Variants in PEX11A observed in about 807,000 individuals in gnomAD.
The protein encoded by PEX11A is peroxisomal membrane protein 11A.
PEX11A carries 13 observed loss-of-function variants against 14.4 expected under a neutral mutation model. The observed-to-expected ratio is 0.90, with a 90% CI of 0.59 to 1.43. The LOEUF is 1.43. PEX11A is among the 40% of genes most tolerant of loss of function. PEX11A has a pLI of 0.00. For synonymous variants in PEX11A, 101 were observed against 113.0 expected (o/e 0.89, Z 0.67); for missense variants, 290 against 302.8 (o/e 0.96, Z 0.31).
At chr15:89,690,103 G>C (rs183444177) in intron 1 of PEX11A, among the ~76,000 whole-genome samples, 34 of 152,204 alleles carry the variant, frequency 2.2e-4, no homozygotes, top group African/African-American at 7.9e-4. Context: ...CTGCCTGGGC[G>C]ACAGAGCGAG....
chr15:89,690,601 G>C lies in PEX11A; in HGVS notation c.32C>G (p.Thr11Ser). Residue 11 changes from threonine (T) to serine (S), a missense_variant, in exon 1 of 3, where the codon ACC becomes AGC. By Grantham distance (58) the Thr-to-Ser change is moderately conservative. Coordinates refer to ENST00000300056, the MANE Select transcript of PEX11A (RefSeq NM_003847.3). MDAFTRFTNQ[T>S]QGRDRLFRAT... The stretch of plus-strand genomic sequence containing the variant: ...CCTGAAGAGTCGGTCCCGGCCCTGG[G>C]TCTGGTTGGTGAAGCGGGTGAAGGC... 1 of 1,551,452 alleles carries C rather than the reference G, an allele frequency of 6.4e-7. No homozygotes were observed.
At chr15:89,690,281 GGGA>G (rs1449554015) in intron 1 of PEX11A, among the ~76,000 whole-genome samples, 1 of 152,240 alleles carries the variant, frequency 6.6e-6, no homozygotes, top group East Asian at 1.9e-4. Context: ...AAGTTAGGAG[GGGA>G]GGAGGATCTG....
chr15:89,685,473 C>T (rs1396245281), intron 2 of PEX11A, among the ~76,000 whole-genome samples: 1 of 151,452 alleles, frequency 6.6e-6, no homozygotes, highest in African/African-American at 2.4e-5. Context: ...AAAAGCTCGC[C>T]CTACCCTTCC....
chr15:89,687,891 A>G (rs1964700034), intron 1 of PEX11A: 1 of 458,280 alleles, frequency 2.2e-6, no homozygotes, highest in Non-Finnish European at 4.2e-6. Flanking sequence ...GTGAACATAA[A>G]CTCGATTTTA....
At chr15:89,690,086 C>G (rs1964785868) in intron 1 of PEX11A, among the ~76,000 whole-genome samples, 1 of 152,044 alleles carries the variant, frequency 6.6e-6, no homozygotes, top group Non-Finnish European at 1.5e-5. Flanking sequence ...GGGCCGAGAC[C>G]GCGCCACTGC....
At chr15:89,685,072 C>T (rs1471637584) in intron 2 of PEX11A, among the ~76,000 whole-genome samples, 2 of 151,828 alleles carry the variant, frequency 1.3e-5, no homozygotes, top group East Asian at 3.9e-4. Context: ...GGCATATTGG[C>T]GCATGCCTGT....
chr15:89,690,593 G>C lies in PEX11A; in HGVS notation c.40C>G (p.Arg14Gly), dbSNP rs1407618190. The part of the protein sequence containing the change: ...FTRFTNQTQG[R>G]DRLFRATQYT... ...CTGACTCACCTGAAGAGTCGGTCCC[G>C]GCCCTGGGTCTGGTTGGTGAAGCGG... The change falls in exon 1 of 3, where the codon CGG becomes GGG. Residue 14 changes from arginine to glycine, a missense_variant. Arg to Gly is a moderately radical substitution (Grantham distance 125). Transcript: ENST00000300056. 4 of 1,551,410 alleles carry C rather than the reference G, an allele frequency of 2.6e-6. 1 individual carries two copies. In the Admixed American group the frequency reaches 7.8e-5, roughly 30 times the overall value.
Position 89,683,411 on chromosome 15 carries a change from A to AC in PEX11A, c.709dup (p.Val237GlyfsTer16), listed in dbSNP as rs778494992. On this transcript the variant is annotated frameshift_variant, in exon 3 of 3. Transcript: ENST00000300056. LOFTEE classifies it high-confidence loss of function. Reference sequence around the variant, plus strand: ...CTTCAGCTTCATCTGAGGATATGCCACAGTGATCATGCCTGCTATAGAGGA... The same window carrying AC: ...CTTCAGCTTCATCTGAGGATATGCCACCAGTGATCATGCCTGCTATAGAGGA... 31 of 1,614,026 alleles carry AC rather than the reference A, an allele frequency of 1.9e-5. No homozygotes were observed. Among genetic ancestry groups the AC allele is most frequent in the Non-Finnish European group, 2.6e-5 (31 of 1,179,924 alleles).
At chr15:89,689,096 T>C (rs1485185202) in intron 1 of PEX11A, among the ~76,000 whole-genome samples, 1 of 152,228 alleles carries the variant, frequency 6.6e-6, no homozygotes, top group African/African-American at 2.4e-5. Context: ...GGTTTCTATT[T>C]AATGAAATTT....
intron 2 of PEX11A, among the ~76,000 whole-genome samples, chr15:89,684,916 G>A (rs1038335427): frequency 6.6e-6 from 1 of 152,172 alleles, no homozygotes; most frequent in Non-Finnish European, 1.5e-5. Context: ...GGGGCTGGGC[G>A]CGGTGGCTTA....
chr15:89,684,519 T>C (rs1264584374), intron 2 of PEX11A, among the ~76,000 whole-genome samples: 4 of 152,254 alleles, frequency 2.6e-5, no homozygotes, highest in Non-Finnish European at 5.9e-5. Flanking sequence ...TTGCATTTTA[T>C]TTATTTTCCA....
chr15:89,690,486 C>T (rs1031271683), intron 1 of PEX11A, 91 bp downstream of exon 1: 1 of 914,308 alleles, frequency 1.1e-6, no homozygotes, highest in Non-Finnish European at 1.7e-6. Flanking sequence ...ATCTACTAGG[C>T]TATCACCTCC....
At chr15:89,690,503 C>T (rs2141558639) in intron 1 of PEX11A, 74 bp downstream of exon 1, 1 of 1,142,388 alleles carries the variant, frequency 8.8e-7, no homozygotes, top group South Asian at 1.4e-5. Flanking sequence ...CTCCTTTTTC[C>T]CGGGTGCAGG....
rs1009078802 is a variant in PEX11A, at chr15:89,683,206, C to G, written c.*171G>C. The G allele has an allele frequency of 1.6e-6, 1 of 625,316 alleles. No homozygotes were observed. Among genetic ancestry groups the G allele is most frequent in the East Asian group, 2.6e-5 (1 of 38,992 alleles). The allele number at this position is 625,316 out of a possible 1,614,324, so 38.7% of individuals were successfully genotyped here. A position where few individuals can be genotyped will look rare whatever the true frequency, so the allele number is the denominator to read the frequency against. On this transcript the variant is annotated 3_prime_UTR_variant, in exon 3 of 3. Coordinates refer to ENST00000300056, the MANE Select transcript of PEX11A (RefSeq NM_003847.3). Reference sequence around the variant, plus strand: ...CTCCAAAAACATACAACTCTTCATGCTCCTCCCTTCTCCGTTCTTGGCCTC... The same window carrying G: ...CTCCAAAAACATACAACTCTTCATGGTCCTCCCTTCTCCGTTCTTGGCCTC...
chr15:89,685,699 T>C (rs533922757), intron 2 of PEX11A, among the ~76,000 whole-genome samples: 4 of 152,084 alleles, frequency 2.6e-5, no homozygotes, highest in African/African-American at 9.6e-5. Context: ...CACTAAATCT[T>C]ATATATCATT....
Position 89,683,469 on chromosome 15 carries a change from T to G in PEX11A, c.652A>C (p.Asn218His). 2.5e-6 allele frequency: 4 copies of G among 1,614,164 alleles called. No individual in the cohort carries two copies. The highest frequency in any genetic ancestry group is 3.4e-6 in the Non-Finnish European group (4 of 1,179,980). Residue 218 changes from asparagine to histidine, a missense_variant, in exon 3 of 3, where the codon AAT becomes CAT. Transcript: ENST00000300056. ...PLDQLGIYKS[N>H]PGIIGLGGLV... ...CCTCCAAGTCCAATGATGCCAGGAT[T>G]GGATTTATAGATCCCCAGCTGGTCC...
Position 89,681,598 on chromosome 15 carries a change from T to G in PEX11A, c.*1779A>C. On this transcript the variant is annotated 3_prime_UTR_variant, in exon 3 of 3. Transcript: ENST00000300056. Reference sequence around the variant, plus strand: ...CAGTAGAGGATCTGGACAATAAAAATAGTTATTTAAGCTTTTTATTTTCCC... The same window carrying G: ...CAGTAGAGGATCTGGACAATAAAAAGAGTTATTTAAGCTTTTTATTTTCCC... The G allele has an allele frequency of 1.5e-6, 1 of 677,892 alleles. No individual in the cohort carries two copies. Among genetic ancestry groups the G allele is most frequent in the Admixed American group, 2.2e-5 (1 of 45,374 alleles). 42.0% of individuals were successfully genotyped at this position (677,892 alleles called of 1,614,324 possible).
chr15:89,689,197 C>T (rs1964742925), intron 1 of PEX11A, among the ~76,000 whole-genome samples: 2 of 151,024 alleles, frequency 1.3e-5, no homozygotes, highest in South Asian at 2.1e-4. Context: ...TAAGTGGGCA[C>T]TGGAGTCATT....
rs1199533428 is a variant in PEX11A, at chr15:89,683,702, T to C, written c.419A>G (p.Tyr140Cys). The change falls in exon 3 of 3, where the codon TAT (tyrosine) becomes TGT (cysteine). Residue 140 changes from tyrosine to cysteine, a missense_variant. Coordinates refer to ENST00000300056, the MANE Select transcript of PEX11A (RefSeq NM_003847.3). The part of the protein sequence containing the change: ...SLLLSLVRDL[Y>C]EISLQMKRVT... ...TCGTTTCATCTGCAGGGAGATTTCA[T>C]ACAGATCCCTGACCAGGCTCAGCAG... 5 of 1,613,884 alleles carry C rather than the reference T, an allele frequency of 3.1e-6. No homozygotes were observed. Among genetic ancestry groups the C allele is most frequent in the African/African-American group, 2.7e-5 (2 of 74,948 alleles).
Sources: allele counts gnomAD v4.1 joint callset (sites outside exome capture counted in the v4.1 genomes callset), GRCh38; gene constraint gnomAD v4.1.1; transcripts MANE v1.5; gene names NCBI Gene and HGNC (gene_info 2026-07-23, HGNC 2026-07-21).